The following RABGAP1L variants were observed in gnomAD, a reference collection of about 807,000 sequenced individuals.
RABGAP1L encodes RAB GTPase activating protein 1 like.
Under a neutral mutation model 137.7 loss-of-function variants are expected in RABGAP1L, and 63 were observed. That is an observed-to-expected ratio of 0.46 (90% CI 0.37 to 0.56). The LOEUF (loss-of-function observed/expected upper bound fraction) is 0.56. RABGAP1L is among the 20% of genes least tolerant of loss of function. The pLI is 0.00. For missense variants in RABGAP1L, 1,095 were observed against 1,244.0 expected (o/e 0.88, Z 1.80); for synonymous variants, 431 against 433.7 (o/e 0.99, Z 0.08).
chr1:174,319,747 T>C (rs1679769482), intron 11 of RABGAP1L, among the ~76,000 whole-genome samples: 2 of 152,222 alleles, frequency 1.3e-5, no homozygotes, highest in Admixed American at 6.5e-5. Context: ...TGGGAGTTTT[T>C]ATCATGAATA....
At chr1:174,233,977 A>G (rs1166056401) in intron 4 of RABGAP1L, among the ~76,000 whole-genome samples, 7 of 137,412 alleles carry the variant, frequency 5.1e-5, no homozygotes, top group Non-Finnish European at 9.0e-5. Flanking sequence ...GTGAGATGGT[A>G]TCTCATAGTG....
chr1:174,384,527 GA>G (rs35902523), intron 12 of RABGAP1L, among the ~76,000 whole-genome samples: 138,994 of 149,750 alleles, frequency 0.93, 65,047 homozygotes, highest in East Asian at 1. Context: ...GGAAAAAAAG[GA>G]AAAAAAAAAA....
chr1:174,403,201 A>C (rs577349033), intron 13 of RABGAP1L, among the ~76,000 whole-genome samples: 11 of 138,446 alleles, frequency 7.9e-5, no homozygotes, highest in Non-Finnish European at 1.6e-4. Flanking sequence ...ATGTGGTTAT[A>C]TATGAGAGTG....
At chr1:174,577,197 TAGG>T (rs1437653941) in intron 13 of RABGAP1L, among the ~76,000 whole-genome samples, 2 of 127,092 alleles carry the variant, frequency 1.6e-5, no homozygotes, top group Non-Finnish European at 3.3e-5. Context: ...CCCTGTCTGT[TAGG>T]GGGAAAAAAT....
At chr1:174,657,625 C>T (rs191424260) in intron 14 of RABGAP1L, among the ~76,000 whole-genome samples, 17 of 152,208 alleles carry the variant, frequency 1.1e-4, no homozygotes, top group Non-Finnish European at 2.5e-4. Context: ...ACCACATTTT[C>T]TTTATCCATT....
chr1:174,530,434 C>T (rs919158083), intron 13 of RABGAP1L, among the ~76,000 whole-genome samples: 1 of 152,140 alleles, frequency 6.6e-6, no homozygotes, highest in Non-Finnish European at 1.5e-5. Context: ...CTTTCCCCTC[C>T]TTAGAGCAGT....
chr1:174,937,523 C>A (rs1209918322), intron 19 of RABGAP1L, among the ~76,000 whole-genome samples: 2 of 143,352 alleles, frequency 1.4e-5, no homozygotes, highest in African/African-American at 5.3e-5. Flanking sequence ...TAACCTCAGG[C>A]GATCCACCTG....
chr1:174,991,390 ACT>A lies in RABGAP1L; in HGVS notation c.*1392_*1393del, dbSNP rs1426005733. 1.3e-5 allele frequency: 2 copies of A among 152,184 alleles called. No homozygotes were observed. The highest frequency in any genetic ancestry group is 4.8e-5 in the African/African-American group (2 of 41,456). The allele number at this position is 152,184 out of a possible 1,614,324, so 9.4% of individuals were successfully genotyped here. A position where few individuals can be genotyped will look rare whatever the true frequency, so the allele number is the denominator to read the frequency against. The stretch of plus-strand genomic sequence containing the variant: ...ACATATTATTTGCAAAGAATCTTAA[ACT>A]CTGTAGTGCCAGAATGATTCTCATC... On this transcript the variant is annotated 3_prime_UTR_variant, in exon 26 of 26. Coordinates refer to ENST00000681986, the MANE Select transcript of RABGAP1L (RefSeq NM_001366446.1).
chr1:174,242,658 TA>T (rs1671922923), intron 5 of RABGAP1L, among the ~76,000 whole-genome samples: 1 of 152,226 alleles, frequency 6.6e-6, no homozygotes. Flanking sequence ...TGCTTTACAC[TA>T]AACTGAACAT....
chr1:174,225,319 A>G (rs1329449444), intron 3 of RABGAP1L, among the ~76,000 whole-genome samples: 1 of 151,588 alleles, frequency 6.6e-6, no homozygotes, highest in East Asian at 1.9e-4. Context: ...TTTCACGTTT[A>G]TTTTATGGAT....
chr1:174,887,907 T>C (rs1655433951), intron 19 of RABGAP1L, among the ~76,000 whole-genome samples: 1 of 151,948 alleles, frequency 6.6e-6, no homozygotes, highest in Non-Finnish European at 1.5e-5. Context: ...TGTGGTGGCA[T>C]GCGCCTGTAA....
intron 13 of RABGAP1L, among the ~76,000 whole-genome samples, chr1:174,477,588 G>C (rs182822283): frequency 1.3e-5 from 2 of 152,084 alleles, no homozygotes; most frequent in Admixed American, 1.3e-4. Context: ...GGTTCTCATG[G>C]GGGAGAAGTA....
chr1:174,948,419 A>T (rs899656504), intron 19 of RABGAP1L, among the ~76,000 whole-genome samples: 6 of 149,140 alleles, frequency 4.0e-5, no homozygotes, highest in Non-Finnish European at 7.4e-5. Flanking sequence ...CTACAGGCTA[A>T]GAGGTGGGAC....
intron 1 of RABGAP1L, among the ~76,000 whole-genome samples, chr1:174,198,576 A>G (rs1440241982): frequency 3.3e-5 from 5 of 152,250 alleles, no homozygotes; most frequent in Non-Finnish European, 5.9e-5. Context: ...AAGTCTTTCC[A>G]AAATGAAAAT....
At chr1:174,246,257 A>G (rs565840470) in intron 5 of RABGAP1L, 11 of 152,328 alleles carry the variant, frequency 7.2e-5, no homozygotes, top group Admixed American at 5.2e-4. Context: ...AAACAGATAT[A>G]CAGTTTTGTG....
intron 14 of RABGAP1L, among the ~76,000 whole-genome samples, chr1:174,669,791 A>G (rs1677046475): frequency 6.6e-6 from 1 of 152,076 alleles, no homozygotes; most frequent in South Asian, 2.1e-4. Flanking sequence ...TTGGCTGTAA[A>G]TGTGTGAATT....
intron 1 of RABGAP1L, among the ~76,000 whole-genome samples, chr1:174,199,545 G>A (rs143151581): frequency 5.3e-4 from 80 of 152,238 alleles, no homozygotes; most frequent in African/African-American, 1.9e-3. Flanking sequence ...GCCCATTTTG[G>A]CTTCCCAAAG....
intron 13 of RABGAP1L, among the ~76,000 whole-genome samples, chr1:174,412,696 G>A (rs1055292799): frequency 2.0e-5 from 3 of 151,986 alleles, no homozygotes; most frequent in Non-Finnish European, 4.4e-5. Context: ...TCTGAAAAAG[G>A]TTTTATTTCT....
intron 8 of RABGAP1L, among the ~76,000 whole-genome samples, chr1:174,275,396 GA>G (rs1324157515): frequency 6.6e-6 from 1 of 151,890 alleles, no homozygotes; most frequent in Non-Finnish European, 1.5e-5. Context: ...AATATTAGAA[GA>G]AAAATATTAA....
Sources: gnomAD v4.1 joint callset for allele counts (sites outside exome capture counted in the v4.1 genomes callset) on GRCh38, gnomAD v4.1.1 for gene constraint, MANE v1.5 for transcripts, NCBI Gene and HGNC (gene_info 2026-07-23, HGNC 2026-07-21) for gene names.